Variants in KASH5 observed in about 807,000 individuals in gnomAD.
KASH5 encodes KASH domain containing 5.
KASH5 carries 72 observed loss-of-function variants against 84.2 expected under a neutral mutation model. The observed-to-expected ratio is 0.85, with a 90% CI of 0.71 to 1.04. The LOEUF is 1.04. KASH5 is among the 50% of genes least tolerant of loss of function. KASH5 has a pLI of 0.00. For synonymous variants in KASH5, 260 were observed against 279.1 expected (o/e 0.93, Z 0.68); for missense variants, 650 against 701.0 (o/e 0.93, Z 0.82).
At chr19:49,413,906 C>T (rs116614337) in intron 16 of KASH5, among the ~76,000 whole-genome samples, 1,601 of 152,126 alleles carry the variant, frequency 0.011, 22 homozygotes, top group African/African-American at 0.037. Flanking sequence ...TCCTTTATCG[C>T]GTGGGAGCAC....
Position 49,398,166 on chromosome 19 carries a change from C to T in KASH5, c.629+23C>T, listed in dbSNP as rs577691449. On this transcript the variant is annotated intron_variant, in intron 7 of 19. Coordinates refer to ENST00000447857, the MANE Select transcript of KASH5 (RefSeq NM_144688.5). ...CAGGTGGGCTGGATGCCACACCCACCCTCCCCAGCGCCCCTGCCTCCGTCC... is the reference window on the plus strand; with the variant it reads ...CAGGTGGGCTGGATGCCACACCCACTCTCCCCAGCGCCCCTGCCTCCGTCC... 278 of 1,546,374 alleles carry T rather than the reference C, an allele frequency of 1.8e-4. No homozygotes were observed. The South Asian group carries it at 3.3e-3, about 19-fold the overall frequency.
chr19:49,397,619 A>C (rs1251435839), intron 5 of KASH5, 32 bp from the exon 6 acceptor site: 2 of 1,604,678 alleles, frequency 1.2e-6, no homozygotes, highest in Admixed American at 1.7e-5. Flanking sequence ...GGTTCCAGGG[A>C]AGCCAACATT....
chr19:49,405,643 T>G (rs1452978747), intron 9 of KASH5, among the ~76,000 whole-genome samples: 2 of 151,882 alleles, frequency 1.3e-5, no homozygotes, highest in Non-Finnish European at 2.9e-5. Flanking sequence ...GCAATTTGCT[T>G]TAAAGTAATC....
Position 49,417,348 on chromosome 19 carries a change from G to T in KASH5, c.1548-21G>T. On this transcript the variant is annotated intron_variant, in intron 19 of 19. Transcript: ENST00000447857. This position sits in a 1 kb window ranked among gnomAD's most constrained non-coding sequence, Gnocchi z 5.2. ...GGGCTGCCCAGACCCTGCCCTAAAT[G>T]CTCTCCCACCTCCCCACCAGAGTCA... 1 of 1,554,388 alleles carries T rather than the reference G, an allele frequency of 6.4e-7. No individual in the cohort carries two copies. Among genetic ancestry groups the T allele is most frequent in the Non-Finnish European group, 8.7e-7 (1 of 1,147,960 alleles).
chr19:49,402,552 T>C (rs1419976249), intron 9 of KASH5, among the ~76,000 whole-genome samples: 4 of 151,070 alleles, frequency 2.6e-5, no homozygotes, highest in African/African-American at 7.3e-5. Context: ...ACTAAAAATA[T>C]AAAAATTAGC....
intron 9 of KASH5, among the ~76,000 whole-genome samples, chr19:49,401,346 C>G (rs1441215634): frequency 6.6e-6 from 1 of 152,088 alleles, no homozygotes; most frequent in Non-Finnish European, 1.5e-5. Flanking sequence ...GAGAGAGATT[C>G]CTCTGTTCTC....
rs1974932263 is a variant in KASH5 at position 49,417,134 on chromosome 19, G to A, written c.1440-25G>A. On this transcript the variant is annotated intron_variant, in intron 18 of 19. Coordinates refer to ENST00000447857, the MANE Select transcript of KASH5 (RefSeq NM_144688.5). This position sits in a 1 kb window ranked among gnomAD's most constrained non-coding sequence, Gnocchi z 5.2. ...CACTGGGGCAAGGAAAAACCCAGTGGTGATTCCCTCCTTCACCCCAGCAGA... is the reference window on the plus strand; with the variant it reads ...CACTGGGGCAAGGAAAAACCCAGTGATGATTCCCTCCTTCACCCCAGCAGA... The A allele has an allele frequency of 1.9e-6, 3 of 1,611,572 alleles. No homozygotes were observed. Among genetic ancestry groups the A allele is most frequent in the South Asian group, 2.2e-5 (2 of 90,482 alleles).
At chr19:49,394,627 G>T in intron 3 of KASH5, 47 bp downstream of exon 3, 1 of 1,447,286 alleles carries the variant, frequency 6.9e-7, no homozygotes, top group Non-Finnish European at 9.7e-7. Context: ...GGCAGGATGG[G>T]GTGGAGGCTG....
chr19:49,415,386 C>T lies in KASH5; in HGVS notation c.1374+390C>T, dbSNP rs562042082. 16 of 321,262 alleles carry T rather than the reference C, an allele frequency of 5.0e-5. No homozygotes were observed. In the East Asian group the frequency reaches 1.4e-3, roughly 27 times the overall value. The allele number at this position is 321,262 out of a possible 1,614,324, so 19.9% of individuals were successfully genotyped here. On this transcript the variant is annotated intron_variant, in intron 17 of 19. Transcript: ENST00000447857. ...CTCAGAACTCCCTGGGGGCGTAGTG[C>T]CCGCAGCCCCCCTGCCTGCAGCCAC...
In KASH5 at chr19:49,409,000, C is replaced by T; in HGVS notation, c.1027C>T (p.Gln343Ter). Residue 343 changes from glutamine to a stop codon, truncating the protein, a stop_gained, in exon 13 of 20, where the codon CAG (glutamine) becomes TAG (stop). Transcript: ENST00000447857. LOFTEE classifies it high-confidence loss of function. ...GCTGGAGATTTCACGCCTGGAGGAG[C>T]AGCTGAGTCAGACCTATGAGGGGCC... is the stretch of plus-strand genomic sequence containing the variant. ...LRLEISRLEE[Q>*]LSQTYEGPDE... 6.3e-7 allele frequency: 1 copy of T among 1,592,798 alleles called. No homozygotes were observed. The highest frequency in any genetic ancestry group is 8.5e-7 in the Non-Finnish European group (1 of 1,169,824).
At position 49,416,129 on chromosome 19, in the gene KASH5, T is replaced by G. The variant is rs1192643026; in HGVS notation, c.1375-886T>G. The stretch of plus-strand genomic sequence containing the variant: ...CAAAATAAAAAATCATATTTCAGTA[T>G]AGCAACCATGAGCAATTAGAAAAAT... On this transcript the variant is annotated intron_variant, in intron 17 of 19. Coordinates refer to ENST00000447857, the MANE Select transcript of KASH5 (RefSeq NM_144688.5). This position sits in a 1 kb window ranked among gnomAD's most constrained non-coding sequence, Gnocchi z 5.4. Among the ~76,000 whole-genome samples the G allele has an allele frequency of 2.0e-5, 3 of 152,220 alleles. No individual in the cohort carries two copies. The highest frequency in any genetic ancestry group is 2.9e-5 in the Non-Finnish European group (2 of 68,036).
At chr19:49,404,094 A>G (rs1216809511) in intron 9 of KASH5, among the ~76,000 whole-genome samples, 1 of 152,222 alleles carries the variant, frequency 6.6e-6, no homozygotes, top group Non-Finnish European at 1.5e-5. Flanking sequence ...CCAGGTGGAC[A>G]GATGTTGAGA....
chr19:49,411,533 T>C (rs951081220), intron 15 of KASH5, among the ~76,000 whole-genome samples: 2 of 152,138 alleles, frequency 1.3e-5, no homozygotes, highest in Non-Finnish European at 2.9e-5. Context: ...GTCACACAGC[T>C]TGTTGGGGAC....
At position 49,390,869 on chromosome 19, in the gene KASH5, C is replaced by T. The variant is rs774350580; in HGVS notation, c.-15C>T. 43 of 1,587,952 alleles carry T rather than the reference C, an allele frequency of 2.7e-5. No individual in the cohort carries two copies. Among genetic ancestry groups the T allele is most frequent in the East Asian group, 2.6e-4 (11 of 42,832 alleles). On this transcript the variant is annotated 5_prime_UTR_variant, in exon 2 of 20. Coordinates refer to ENST00000447857, the MANE Select transcript of KASH5 (RefSeq NM_144688.5). ...GGTAGCTTTGCCAGCAGCTGCGCCGCGGCAGGGGTGGCCCATGGACCTGCC... is the reference window on the plus strand; with the variant it reads ...GGTAGCTTTGCCAGCAGCTGCGCCGTGGCAGGGGTGGCCCATGGACCTGCC...
intron 5 of KASH5, among the ~76,000 whole-genome samples, chr19:49,397,253 G>A (rs1974211351): frequency 6.6e-6 from 1 of 152,022 alleles, no homozygotes; most frequent in South Asian, 2.1e-4. Flanking sequence ...AAGGGCCGGG[G>A]CATGGAGACA....
chr19:49,413,864 GTGTATGTCTGAC>G (rs1974806767), intron 16 of KASH5, among the ~76,000 whole-genome samples: 1 of 152,120 alleles, frequency 6.6e-6, no homozygotes, highest in Admixed American at 6.5e-5. Context: ...GGATCAGATA[GTGTATGTCTGAC>G]TGGGGCCTAA....
At chr19:49,405,994 G>A (rs901252655) in intron 9 of KASH5, among the ~76,000 whole-genome samples, 1 of 150,472 alleles carries the variant, frequency 6.6e-6, no homozygotes, top group East Asian at 1.9e-4. Flanking sequence ...TGGGTGTTGT[G>A]GCAGGTGGCT....
At chr19:49,398,956 T>C (rs1974273435) in intron 7 of KASH5, 69 bp from the exon 8 acceptor site, 5 of 1,204,652 alleles carry the variant, frequency 4.2e-6, no homozygotes, top group Non-Finnish European at 4.8e-6. Context: ...TCTCTCAGAA[T>C]GGATCTGTCT....
Position 49,417,023 on chromosome 19 carries a change from C to A in KASH5, c.1383C>A (p.Leu461=), listed in dbSNP as rs767858463. 1.4e-5 allele frequency: 22 copies of A among 1,588,426 alleles called. No individual in the cohort carries two copies. The Middle Eastern group carries it at 6.2e-4, about 45-fold the overall frequency. ...CTCTTCTGTCCTTGCAGGCTGATCT[C>A]CCTGTCCCTCTAGGAGCCCCTCGCC... ...EDAESQVTAD[L]PVPLGAPRPG... The change falls in exon 18 of 20, where the codon CTC becomes CTA. Residue 461 remains leucine, a synonymous_variant. Transcript: ENST00000447857. The surrounding 1 kb of genome is among the most constrained non-coding windows in gnomAD (Gnocchi z 5.2).
Sources: gnomAD v4.1 joint callset for allele counts (sites outside exome capture counted in the v4.1 genomes callset) on GRCh38, gnomAD v4.1.1 for gene constraint, Gnocchi (gnomAD v3.1) non-coding constraint, MANE v1.5 for transcripts, NCBI Gene and HGNC (gene_info 2026-07-23, HGNC 2026-07-21) for gene names.